Variants in SIPA1L1 observed in about 807,000 individuals in gnomAD.
SIPA1L1 encodes signal induced proliferation associated 1 like 1.
In SIPA1L1, 26 loss-of-function variants were observed where a neutral mutation model predicts 162.7. The ratio of observed to expected loss-of-function variants is 0.16; its 90% CI spans 0.12 to 0.22. The LOEUF is 0.22. Ranked by LOEUF, SIPA1L1 falls within the 10% of genes least tolerant of loss-of-function variation. SIPA1L1 has a pLI of 1.00. For missense variants in SIPA1L1, 1,874 were observed against 2,241.0 expected (o/e 0.84, Z 3.31); for synonymous variants, 829 against 837.4 (o/e 0.99, Z 0.17).
At chr14:71,644,378 G>A (rs1403897723) in intron 7 of SIPA1L1, among the ~76,000 whole-genome samples, 1 of 152,108 alleles carries the variant, frequency 6.6e-6, no homozygotes, top group African/African-American at 2.4e-5. Flanking sequence ...TCCTGGGACT[G>A]CAAGCCCATG....
chr14:71,355,793 G>GGT (rs2037186522), intron 2 of SIPA1L1, among the ~76,000 whole-genome samples: 1 of 152,174 alleles, frequency 6.6e-6, no homozygotes, highest in Non-Finnish European at 1.5e-5. Flanking sequence ...TGGCTTGTAT[G>GGT]GTGGAATGTT....
chr14:71,432,599 G>C (rs553689977), intron 2 of SIPA1L1, among the ~76,000 whole-genome samples: 1 of 152,294 alleles, frequency 6.6e-6, no homozygotes, highest in East Asian at 1.9e-4. Flanking sequence ...TCTATGATCT[G>C]CCTTGGGAAA....
chr14:71,432,152 G>A (rs2044037162), intron 2 of SIPA1L1, among the ~76,000 whole-genome samples: 2 of 152,018 alleles, frequency 1.3e-5, no homozygotes, highest in African/African-American at 4.8e-5. Flanking sequence ...ACAGCTCACT[G>A]CAGCCTCAAA....
Position 71,495,620 on chromosome 14 carries a change from T to G in SIPA1L1, c.-464-17123T>G, listed in dbSNP as rs180816399. On this transcript the variant is annotated intron_variant, in intron 2 of 23. Coordinates refer to ENST00000381232, the MANE Select transcript of SIPA1L1 (RefSeq NM_001386936.1). ...TATTGACTTTTACTGTTTTTCTGTT[T>G]TCAGTTTCATTGGGTTTTGCTCTAA... Among the ~76,000 whole-genome samples the G allele has an allele frequency of 1.1e-3, 165 of 151,526 alleles. 1 individual carries two copies. Among genetic ancestry groups the G allele is most frequent in the African/African-American group, 3.7e-3 (152 of 41,474 alleles).
rs141463510 is a variant in SIPA1L1, at chr14:71,427,525, C to G, written c.-464-85218C>G. ...TGGGGGTCTCTTTGAGTTTTCTTGT[C>G]TCCTTTTGGAACTCTCACAATGTAT... On this transcript the variant is annotated intron_variant, in intron 2 of 23. Coordinates refer to ENST00000381232, the MANE Select transcript of SIPA1L1 (RefSeq NM_001386936.1). Among the ~76,000 whole-genome samples, 33 of 152,238 alleles carry G rather than the reference C, an allele frequency of 2.2e-4. No individual in the cohort carries two copies. In the East Asian group the frequency reaches 6.2e-3, roughly 28 times the overall value.
chr14:71,460,352 G>C (rs1381408352), intron 2 of SIPA1L1, among the ~76,000 whole-genome samples: 1 of 152,166 alleles, frequency 6.6e-6, no homozygotes, highest in Non-Finnish European at 1.5e-5. Flanking sequence ...GTCCTGTCTG[G>C]ATTGGGCGTT....
rs2038294223 is a variant in SIPA1L1, at chr14:71,366,364, A to C, written c.-465+45183A>C. 2.0e-5 allele frequency among the ~76,000 whole-genome samples: 3 copies of C among 152,112 alleles called. No individual in the cohort carries two copies. The South Asian group carries it at 6.2e-4, about 31-fold the overall frequency. On this transcript the variant is annotated intron_variant, in intron 2 of 23. Coordinates refer to ENST00000381232, the MANE Select transcript of SIPA1L1 (RefSeq NM_001386936.1). ...CCTTGGTATAGATGCCAGTGTTTTC[A>C]GTTTTTGGAGGTGCTGTAGTATAAA...
chr14:71,535,699 C>CAAGCAGTT (rs2053835081), intron 4 of SIPA1L1, among the ~76,000 whole-genome samples: 1 of 151,958 alleles, frequency 6.6e-6, no homozygotes, highest in East Asian at 1.9e-4. Flanking sequence ...GCAACCTCTG[C>CAAGCAGTT]CTCCCAGGTT....
At chr14:71,536,383 G>T (rs1164410870) in intron 4 of SIPA1L1, among the ~76,000 whole-genome samples, 1 of 152,146 alleles carries the variant, frequency 6.6e-6, no homozygotes, top group Non-Finnish European at 1.5e-5. Flanking sequence ...TCAACCAGTT[G>T]GTCAGTGATG....
chr14:71,639,448 T>A (rs905799051), intron 7 of SIPA1L1, among the ~76,000 whole-genome samples: 9 of 152,180 alleles, frequency 5.9e-5, no homozygotes, highest in African/African-American at 2.2e-4. Context: ...AGGCATACTA[T>A]ATTCACAAAT....
At chr14:71,567,142 G>GC (rs887577654) in intron 4 of SIPA1L1, among the ~76,000 whole-genome samples, 9 of 152,084 alleles carry the variant, frequency 5.9e-5, no homozygotes, top group African/African-American at 1.4e-4. Flanking sequence ...AGCAAGCAGG[G>GC]CCCCCCACAC....
Position 71,739,217 on chromosome 14 carries a change from G to A in SIPA1L1, c.*56G>A, listed in dbSNP as rs2085597027. The A allele has an allele frequency of 2.0e-6, 3 of 1,523,370 alleles. No homozygotes were observed. The allele number at this position is 1,523,370 out of a possible 1,614,324, so 94.4% of individuals were successfully genotyped here. ...AGACACTCCCTCCAGTGAGTGTCCTGCAGCCCTTATTCCCTCCATAGAAAG... is the reference window on the plus strand; with the variant it reads ...AGACACTCCCTCCAGTGAGTGTCCTACAGCCCTTATTCCCTCCATAGAAAG... On this transcript the variant is annotated 3_prime_UTR_variant, in exon 24 of 24. Coordinates refer to ENST00000381232, the MANE Select transcript of SIPA1L1 (RefSeq NM_001386936.1).
chr14:71,495,020 C>T (rs1191953192), intron 2 of SIPA1L1, among the ~76,000 whole-genome samples: 2 of 152,198 alleles, frequency 1.3e-5, no homozygotes, highest in African/African-American at 4.8e-5. Context: ...GTGGGAGCCA[C>T]TGCACCCAGA....
chr14:71,332,954 T>C (rs965574795), intron 2 of SIPA1L1, among the ~76,000 whole-genome samples: 6 of 152,192 alleles, frequency 3.9e-5, no homozygotes, highest in Non-Finnish European at 8.8e-5. Context: ...AGAAAGAAAT[T>C]TAGAGTATTT....
chr14:71,458,144 C>G (rs2046324125), intron 2 of SIPA1L1, among the ~76,000 whole-genome samples: 2 of 151,654 alleles, frequency 1.3e-5, no homozygotes, highest in South Asian at 2.1e-4. Context: ...AAACATTTTT[C>G]TTTGTTTTCT....
At chr14:71,609,963 T>C (rs2038011486) in intron 5 of SIPA1L1, among the ~76,000 whole-genome samples, 1 of 151,532 alleles carries the variant, frequency 6.6e-6, no homozygotes, top group South Asian at 2.1e-4. Context: ...TGAAGCACAG[T>C]TGCAGAAGTG....
intron 13 of SIPA1L1, among the ~76,000 whole-genome samples, chr14:71,690,065 C>A (rs962948629): frequency 6.6e-6 from 1 of 152,178 alleles, no homozygotes; most frequent in Non-Finnish European, 1.5e-5. Context: ...AATGTTTACT[C>A]TTCTTTTGTT....
chr14:71,504,511 A>C (rs1283445521), intron 2 of SIPA1L1, among the ~76,000 whole-genome samples: 1 of 152,168 alleles, frequency 6.6e-6, no homozygotes, highest in Non-Finnish European at 1.5e-5. Flanking sequence ...GTTGGTAAGG[A>C]CCAAAAGATA....
intron 2 of SIPA1L1, among the ~76,000 whole-genome samples, chr14:71,342,450 A>G (rs1419088686): frequency 1.3e-5 from 2 of 152,220 alleles, no homozygotes; most frequent in African/African-American, 2.4e-5. Context: ...CCAACAGTGT[A>G]TAAGAGTCCC....
Sources: gnomAD v4.1 joint callset for allele counts (sites outside exome capture counted in the v4.1 genomes callset) on GRCh38, gnomAD v4.1.1 for gene constraint, MANE v1.5 for transcripts, NCBI Gene and HGNC (gene_info 2026-07-23, HGNC 2026-07-21) for gene names.